UBTF: variants seen among roughly 807,000 people sequenced by gnomAD.
UBTF encodes upstream binding transcription factor.
In UBTF, 8 loss-of-function variants were observed where a neutral mutation model predicts 112.3. The observed-to-expected ratio is 0.07, with a 90% CI of 0.04 to 0.13. The LOEUF (loss-of-function observed/expected upper bound fraction) is 0.13, where lower values mean the gene tolerates loss of function less well. UBTF is among the 10% of genes least tolerant of loss of function. The pLI is 1.00. For missense variants in UBTF, 457 were observed against 982.1 expected (o/e 0.47, Z 7.15); for synonymous variants, 417 against 373.1 (o/e 1.12, Z -1.36).
intron 5 of UBTF, among the ~76,000 whole-genome samples, chr17:44,214,055 T>G (rs1215092102): frequency 6.6e-6 from 1 of 152,138 alleles, no homozygotes; most frequent in East Asian, 1.9e-4. Flanking sequence ...TTGTTCCTCC[T>G]TTCCAATGTG....
chr17:44,209,344 C>T lies in UBTF; in HGVS notation c.1905+8G>A. 2 of 1,586,354 alleles carry T rather than the reference C, an allele frequency of 1.3e-6. No homozygotes were observed. Among genetic ancestry groups the T allele is most frequent in the Non-Finnish European group, 8.6e-7 (1 of 1,163,100 alleles). On this transcript the variant is annotated splice_region_variant and intron_variant, in intron 17 of 20. Transcript: ENST00000436088. ...TCTGTTCCTTCCAAGGGTCCCTTGC[C>T]CTCTCACCTTAACCCAGAGGTCCAG...
chr17:44,220,474 CCT>C (rs935870577), upstream of UBTF, among the ~76,000 whole-genome samples: 2 of 151,988 alleles, frequency 1.3e-5, no homozygotes, highest in Non-Finnish European at 2.9e-5. Flanking sequence ...ACCTCGCGGT[CCT>C]CTCCTTGCCG....
upstream of UBTF, among the ~76,000 whole-genome samples, chr17:44,220,204 G>C (rs955666123): frequency 3.9e-5 from 6 of 151,914 alleles, no homozygotes; most frequent in Non-Finnish European, 7.4e-5. Context: ...GAACTAGCAG[G>C]CTTCGCCGGC....
In UBTF at chr17:44,215,994, A is replaced by C. The variant is rs755323080; in HGVS notation, c.235-5T>G. 1.2e-6 allele frequency: 2 copies of C among 1,613,044 alleles called. No homozygotes were observed. The highest frequency in any genetic ancestry group is 1.1e-5 in the South Asian group (1 of 91,064). On this transcript the variant is annotated splice_polypyrimidine_tract_variant and splice_region_variant and intron_variant, in intron 3 of 20. Coordinates refer to ENST00000436088, the MANE Select transcript of UBTF (RefSeq NM_014233.4). ...CAATGTACGGAACTTCCTCACCTGG[A>C]GGAAGAGGGGTGGGAGGAAGGGGAA... is the stretch of plus-strand genomic sequence containing the variant.
Position 44,210,591 on chromosome 17 carries a change from C to G in UBTF, c.1360-118G>C. On this transcript the variant is annotated intron_variant, in intron 13 of 20. Transcript: ENST00000436088. ...AAGCATGGGCTGGTGCAGATGTCTC[C>G]CGCCTGGGGCTCGCCCCCGCCTGGT... 4 of 1,405,748 alleles carry G rather than the reference C, an allele frequency of 2.8e-6. No individual in the cohort carries two copies. The South Asian group carries it at 4.5e-5, about 16-fold the overall frequency. The allele number at this position is 1,405,748 out of a possible 1,614,324, so 87.1% of individuals were successfully genotyped here. A position where few individuals can be genotyped will look rare whatever the true frequency, so the allele number is the denominator to read the frequency against.
chr17:44,213,478 G>A lies in UBTF; in HGVS notation c.475-196C>T, dbSNP rs2046681212. 5.4e-6 allele frequency: 3 copies of A among 558,404 alleles called. No homozygotes were observed. The South Asian group carries it at 7.8e-5, about 15-fold the overall frequency. The allele number at this position is 558,404 out of a possible 1,614,324, so 34.6% of individuals were successfully genotyped here. A position where few individuals can be genotyped will look rare whatever the true frequency, so the allele number is the denominator to read the frequency against. ...TGCTGGCTTCTACCACAGATGGTGG[G>A]AGCTGCAGGGGTCGCCCAGACACTG... On this transcript the variant is annotated intron_variant, in intron 5 of 20. Coordinates refer to ENST00000436088, the MANE Select transcript of UBTF (RefSeq NM_014233.4).
At chr17:44,218,678 A>T (rs1211928979) in intron 1 of UBTF, 1 of 152,446 alleles carries the variant, frequency 6.6e-6, no homozygotes, top group Non-Finnish European at 1.4e-5. Context: ...GGGGAAGAGG[A>T]AGGGCGGGTA....
intron 5 of UBTF, 80 bp downstream of exon 5, chr17:44,215,574 G>A: frequency 1.9e-6 from 3 of 1,560,578 alleles, no homozygotes; most frequent in East Asian, 4.5e-5. Context: ...GTTTCTCCAA[G>A]GCCTACCTCC....
intron 3 of UBTF, 96 bp from the exon 4 acceptor site, chr17:44,216,085 T>C (rs1221827082): frequency 2.0e-6 from 2 of 989,168 alleles, no homozygotes; most frequent in African/African-American, 3.2e-5. Context: ...TTCTACTCTT[T>C]ACTAGACTAA....
At chr17:44,218,744 C>T (rs910070884) in intron 1 of UBTF, among the ~76,000 whole-genome samples, 13 of 151,498 alleles carry the variant, frequency 8.6e-5, no homozygotes, top group African/African-American at 2.2e-4. Flanking sequence ...CCTCCCGCCT[C>T]CCCCCGGCCG....
chr17:44,207,399 G>A, intron 20 of UBTF, 32 bp from the exon 21 acceptor site: 1 of 1,612,040 alleles, frequency 6.2e-7, no homozygotes, highest in Non-Finnish European at 8.5e-7. Flanking sequence ...GGAGTCACCA[G>A]GTGGCCCTCC....
intron 2 of UBTF, 82 bp downstream of exon 2, chr17:44,218,090 G>A (rs989638143): frequency 1.4e-6 from 2 of 1,379,880 alleles, no homozygotes; most frequent in Non-Finnish European, 2.1e-6. Context: ...GACTGAAAAA[G>A]CCCTTGAAGA....
At position 44,207,090 on chromosome 17, in the gene UBTF, C is replaced by T. The variant is rs918229577; in HGVS notation, c.*152G>A. ...TGGCCTGGGCTCCTCCAGCCCCCTA[C>T]CCCCACCGTATTTTTTTTTTTTTTT... On this transcript the variant is annotated 3_prime_UTR_variant, in exon 21 of 21. Coordinates refer to ENST00000436088, the MANE Select transcript of UBTF (RefSeq NM_014233.4). The T allele has an allele frequency of 1.2e-6, 1 of 869,294 alleles. No individual in the cohort carries two copies. Among genetic ancestry groups the T allele is most frequent in the Non-Finnish European group, 1.7e-6 (1 of 579,826 alleles). 53.8% of individuals were successfully genotyped at this position (869,294 alleles called of 1,614,324 possible). A position where few individuals can be genotyped will look rare whatever the true frequency, so the allele number is the denominator to read the frequency against.
At chr17:44,209,117 CG>C in intron 17 of UBTF, 1 of 317,548 alleles carries the variant, frequency 3.1e-6, no homozygotes, top group South Asian at 7.4e-5. Flanking sequence ...TGCAGTGAGC[CG>C]AGACTACACC....
rs559800781 is a variant in UBTF at position 44,207,595 on chromosome 17, C to T, written c.2028G>A (p.Glu676=). 6.2e-7 allele frequency: 1 copy of T among 1,614,180 alleles called. No homozygotes were observed. Among genetic ancestry groups the T allele is most frequent in the South Asian group, 1.1e-5 (1 of 91,082 alleles). ...SSRTTLQSKS[E]SEEDDEEDED... is the part of the protein sequence containing the mutation. ...CATCCTCTTCATCATCCTCCTCGGA[C>T]TCCTTGGAGGGATGGAGGCACATCA... is the stretch of plus-strand genomic sequence containing the variant. The change falls in exon 20 of 21, where the codon GAG becomes GAA. Residue 676 remains glutamate, a splice_region_variant and synonymous_variant. Transcript: ENST00000436088.
In UBTF at chr17:44,207,222, C is replaced by T; in HGVS notation, c.*20G>A. ...GGAGCTCCTGGGCTCTCCCTGGCTGCCCTGGGGTGGGGCTGAGCCTCAGTT... is the reference window on the plus strand; with the variant it reads ...GGAGCTCCTGGGCTCTCCCTGGCTGTCCTGGGGTGGGGCTGAGCCTCAGTT... On this transcript the variant is annotated 3_prime_UTR_variant, in exon 21 of 21. Transcript: ENST00000436088. The T allele has an allele frequency of 6.2e-7, 1 of 1,613,088 alleles. No individual in the cohort carries two copies. The highest frequency in any genetic ancestry group is 1.7e-5 in the Admixed American group (1 of 59,910).
chr17:44,210,826 G>A lies in UBTF; in HGVS notation c.1325C>T (p.Ala442Val). 6.4e-7 allele frequency: 1 copy of A among 1,569,246 alleles called. No individual in the cohort carries two copies. The highest frequency in any genetic ancestry group is 1.2e-5 in the South Asian group (1 of 86,448). ...LSESELTRLL[A>V]RMWNDLSEKK... is the part of the protein sequence containing the mutation. ...CTCAGACAGGTCGTTCCACATTCGG[G>A]CCAGCAGGCGGGTCAGCTCGCTCTC... is the stretch of plus-strand genomic sequence containing the variant. Residue 442 changes from alanine to valine, a missense_variant, in exon 13 of 21, where the codon GCC becomes GTC. Physicochemically the swap from Ala to Val is moderately conservative, Grantham distance 64. This residue lies in a region of UBTF where 108 missense variants were observed against 137.4 expected (regional missense o/e 0.79). Transcript: ENST00000436088.
chr17:44,211,851 C>T lies in UBTF; in HGVS notation c.905+22G>A, dbSNP rs753134616. On this transcript the variant is annotated intron_variant, in intron 9 of 20. Coordinates refer to ENST00000436088, the MANE Select transcript of UBTF (RefSeq NM_014233.4). The surrounding 1 kb of genome is among the most constrained non-coding windows in gnomAD (Gnocchi z 4.9). ...AACTTCCCAGCTGCCCACTCGCCCA[C>T]CCATCCCAGGGCAGCGCTCACGGAG... The T allele has an allele frequency of 4.2e-5, 68 of 1,609,306 alleles. No homozygotes were observed. The Admixed American group carries it at 8.2e-4, about 19-fold the overall frequency.
chr17:44,218,035 T>C, intron 2 of UBTF, 137 bp downstream of exon 2: 1 of 912,412 alleles, frequency 1.1e-6, no homozygotes, highest in Non-Finnish European at 1.7e-6. Flanking sequence ...AGATGCTTGA[T>C]TCATAAATAC....
Sources: gnomAD v4.1 joint callset for allele counts (sites outside exome capture counted in the v4.1 genomes callset) on GRCh38, gnomAD v4.1.1 for gene constraint, gnomAD v4.1.1 regional missense constraint, Gnocchi (gnomAD v3.1) non-coding constraint, MANE v1.5 for transcripts, NCBI Gene and HGNC (gene_info 2026-07-23, HGNC 2026-07-21) for gene names.